Variants in RBM33 observed in about 807,000 individuals in gnomAD.
RBM33 encodes RNA binding motif protein 33.
Under a neutral mutation model 132.6 loss-of-function variants are expected in RBM33, and 28 were observed. The observed-to-expected ratio is 0.21, with a 90% CI of 0.16 to 0.29. The LOEUF (loss-of-function observed/expected upper bound fraction) is 0.29. Ranked by LOEUF, RBM33 falls within the 10% of genes least tolerant of loss-of-function variation. The pLI, the probability that RBM33 is intolerant of heterozygous loss-of-function variation, is 1.00. For synonymous variants in RBM33, 634 were observed against 593.0 expected (o/e 1.07, Z -1.01); for missense variants, 1,291 against 1,518.5 (o/e 0.85, Z 2.49).
chr7:155,760,822 G>GTAGAAGAC (rs371992002), intron 14 of RBM33, among the ~76,000 whole-genome samples: 1 of 152,264 alleles, frequency 6.6e-6, no homozygotes, highest in African/African-American at 2.4e-5. Flanking sequence ...CACACCTTGG[G>GTAGAAGAC]TAGAAGACCT....
chr7:155,725,197 T>G (rs562390970), intron 9 of RBM33, among the ~76,000 whole-genome samples: 1 of 136,326 alleles, frequency 7.3e-6, no homozygotes. Context: ...CTTTCCTTTT[T>G]TAGTTGTTTT....
At chr7:155,679,250 A>G (rs1249724127) in intron 4 of RBM33, among the ~76,000 whole-genome samples, 1 of 152,190 alleles carries the variant, frequency 6.6e-6, no homozygotes, top group African/African-American at 2.4e-5. Context: ...AGTGCAGGTT[A>G]TGAAGATTTA....
At chr7:155,711,636 A>C (rs540977631) in intron 8 of RBM33, among the ~76,000 whole-genome samples, 181 bp downstream of exon 8, 6 of 152,320 alleles carry the variant, frequency 3.9e-5, no homozygotes, top group Admixed American at 1.3e-4. Flanking sequence ...CATGCATCCC[A>C]AAACTCCCTC....
At chr7:155,673,940 G>GTTGTTTTTT in intron 3 of RBM33, among the ~76,000 whole-genome samples, 5 of 54,214 alleles carry the variant, frequency 9.2e-5, no homozygotes, top group African/African-American at 4.1e-4. Flanking sequence ...TTTAGGCTTA[G>GTTGTTTTTT]TTTTTTTTTT....
Position 155,673,780 on chromosome 7 carries a change from A to G in RBM33, c.171+865A>G, listed in dbSNP as rs1195654273. Among the ~76,000 whole-genome samples the G allele has an allele frequency of 1.7e-3, 254 of 147,870 alleles. 4 individuals carry two copies. Among genetic ancestry groups the G allele is most frequent in the Non-Finnish European group, 2.9e-3 (193 of 67,382 alleles). ...CGCGCGCATGCGCGCACACACACACACACACACACACACACACACACCCCT... is the reference window on the plus strand; with the variant it reads ...CGCGCGCATGCGCGCACACACACACGCACACACACACACACACACACCCCT... On this transcript the variant is annotated intron_variant, in intron 3 of 17. Coordinates refer to ENST00000401878, the MANE Select transcript of RBM33 (RefSeq NM_053043.3).
intron 14 of RBM33, among the ~76,000 whole-genome samples, chr7:155,749,338 A>G (rs2117043562): frequency 6.6e-6 from 1 of 152,290 alleles, no homozygotes; most frequent in East Asian, 1.9e-4. Context: ...TACTCACAAC[A>G]TCCTTCTGAG....
chr7:155,738,563 A>G (rs1801208472), intron 11 of RBM33, 160 bp downstream of exon 11: 2 of 723,378 alleles, frequency 2.8e-6, no homozygotes, highest in African/African-American at 1.8e-5. Context: ...AACTTTTTTC[A>G]ACAATGTTAC....
chr7:155,673,948 T>TGTTG (rs1563138371), intron 3 of RBM33, among the ~76,000 whole-genome samples: 1 of 104,556 alleles, frequency 9.6e-6, no homozygotes, highest in African/African-American at 3.8e-5. Context: ...TAGTTTTTTT[T>TGTTG]TTTTTTTTTT....
At chr7:155,653,960 G>A (rs1267416545) in intron 1 of RBM33, among the ~76,000 whole-genome samples, 1 of 152,188 alleles carries the variant, frequency 6.6e-6, no homozygotes, top group Non-Finnish European at 1.5e-5. Flanking sequence ...CCGAACTCCA[G>A]ATGATTAGTA....
chr7:155,696,548 C>G (rs564335577), intron 5 of RBM33, among the ~76,000 whole-genome samples: 1 of 152,242 alleles, frequency 6.6e-6, no homozygotes, highest in South Asian at 2.1e-4. Context: ...GTTTTTATAT[C>G]AGATTGAAGA....
intron 2 of RBM33, 101 bp downstream of exon 2, chr7:155,665,354 C>A: frequency 2.0e-6 from 2 of 995,086 alleles, no homozygotes; most frequent in Non-Finnish European, 3.1e-6. Flanking sequence ...CCTTGACTAC[C>A]TGGCGCTCTC....
chr7:155,763,920 G>T lies in RBM33; in HGVS notation c.3088G>T (p.Gly1030Cys), dbSNP rs781310803. 1 of 1,606,480 alleles carries T rather than the reference G, an allele frequency of 6.2e-7. No homozygotes were observed. Among genetic ancestry groups the T allele is most frequent in the Non-Finnish European group, 8.5e-7 (1 of 1,176,752 alleles). Residue 1030 changes from glycine (G) to cysteine (C), a missense_variant, in exon 15 of 18, where the codon GGC becomes TGC. By Grantham distance (159) the Gly-to-Cys change is radical. Transcript: ENST00000401878. Reference protein sequence around the residue: ...PARKVTLTRGGLQQPPHLPAG... With the variant: ...PARKVTLTRGCLQQPPHLPAG... The stretch of plus-strand genomic sequence containing the variant: ...CCGCAAGGTGACGCTGACCAGGGGG[G>T]GCCTCCAGCAGCCCCCACATCTGCC...
intron 14 of RBM33, among the ~76,000 whole-genome samples, chr7:155,746,989 TGTTA>T (rs1801538263): frequency 6.6e-6 from 1 of 152,246 alleles, no homozygotes; most frequent in Non-Finnish European, 1.5e-5. Context: ...TAACTCATTT[TGTTA>T]GTTGGTTAAT....
chr7:155,701,774 G>A lies in RBM33; in HGVS notation c.739+830G>A, dbSNP rs190285654. Among the ~76,000 whole-genome samples the A allele has an allele frequency of 2.9e-3, 446 of 152,066 alleles. 5 individuals carry two copies. The highest frequency in any genetic ancestry group is 0.01 in the African/African-American group (422 of 41,400). ...ACAATCTTGGCTCACAGCAACCACCGCCTCCCAGGTTCAACTGAGTCTTCT... is the reference window on the plus strand; with the variant it reads ...ACAATCTTGGCTCACAGCAACCACCACCTCCCAGGTTCAACTGAGTCTTCT... On this transcript the variant is annotated intron_variant, in intron 6 of 17. Coordinates refer to ENST00000401878, the MANE Select transcript of RBM33 (RefSeq NM_053043.3).
intron 14 of RBM33, among the ~76,000 whole-genome samples, chr7:155,753,558 G>A (rs1390781075): frequency 6.6e-6 from 1 of 152,212 alleles, no homozygotes; most frequent in South Asian, 2.1e-4. Context: ...CAGAGCTAAG[G>A]AGGAGCTGAG....
intron 3 of RBM33, among the ~76,000 whole-genome samples, chr7:155,673,423 T>G (rs1235043278): frequency 2.5e-4 from 37 of 150,924 alleles, no homozygotes; most frequent in African/African-American, 5.1e-4. Context: ...TGTGTGTGTG[T>G]GTGTGTGTGT....
Position 155,774,688 on chromosome 7 carries a change from G to A in RBM33, c.3464+41G>A. 1.3e-6 allele frequency: 2 copies of A among 1,506,412 alleles called. No individual in the cohort carries two copies. Among genetic ancestry groups the A allele is most frequent in the Non-Finnish European group, 1.8e-6 (2 of 1,081,976 alleles). The allele number at this position is 1,506,412 out of a possible 1,614,324, so 93.3% of individuals were successfully genotyped here. On this transcript the variant is annotated intron_variant, in intron 17 of 17. Transcript: ENST00000401878. The surrounding 1 kb of genome is among the most constrained non-coding windows in gnomAD (Gnocchi z 4.2). Reference sequence around the variant, plus strand: ...TGTGCTTGTGGTGATAAGGGGGCGGGAGCAAGGCCCTCCTTCCTGTGCCCT... The same window carrying A: ...TGTGCTTGTGGTGATAAGGGGGCGGAAGCAAGGCCCTCCTTCCTGTGCCCT...
At chr7:155,645,043 G>A in intron 1 of RBM33, 124 bp downstream of exon 1, 3 of 666,776 alleles carry the variant, frequency 4.5e-6, no homozygotes, top group Non-Finnish European at 7.0e-6. Context: ...CTTTGTGTTC[G>A]GCCTATTCCG....
chr7:155,673,940 G>GTTTTTTTTTTTTTTTTTT (rs71186053), intron 3 of RBM33, among the ~76,000 whole-genome samples: 23 of 54,208 alleles, frequency 4.2e-4, no homozygotes, highest in Admixed American at 7.9e-4. Context: ...TTTAGGCTTA[G>GTTTTTTTTTTTTTTTTTT]TTTTTTTTTT....
Sources: gnomAD v4.1 joint callset for allele counts (sites outside exome capture counted in the v4.1 genomes callset) on GRCh38, gnomAD v4.1.1 for gene constraint, Gnocchi (gnomAD v3.1) non-coding constraint, MANE v1.5 for transcripts, NCBI Gene and HGNC (gene_info 2026-07-23, HGNC 2026-07-21) for gene names.